PI4KA: variants seen among roughly 807,000 people sequenced by gnomAD.
The protein encoded by PI4KA is PI4-kinase alpha.
Under a neutral mutation model 271.4 loss-of-function variants are expected in PI4KA, and 122 were observed. That is an observed-to-expected ratio of 0.45 (90% CI 0.39 to 0.52). The LOEUF is 0.52. PI4KA is among the 20% of genes least tolerant of loss of function. The probability of loss-of-function intolerance (pLI) is 0.00; values close to 1 mark genes in which losing one functional copy is unlikely to be tolerated. For synonymous variants in PI4KA, 1,041 were observed against 1,078.8 expected (o/e 0.96, Z 0.69); for missense variants, 1,969 against 2,769.1 (o/e 0.71, Z 6.48).
chr22:20,740,061 CAA>C (rs59323542), intron 32 of PI4KA, among the ~76,000 whole-genome samples: 2,345 of 72,996 alleles, frequency 0.032, 15 homozygotes, highest in African/African-American at 0.083. Context: ...GACCCCATCT[CAA>C]AAAAAAAAAA....
At chr22:20,818,019 G>C (rs1922073111) in intron 7 of PI4KA, among the ~76,000 whole-genome samples, 1 of 152,000 alleles carries the variant, frequency 6.6e-6, no homozygotes, top group Admixed American at 6.6e-5. Context: ...CAGCTACTTG[G>C]GAGGCTGAGG....
rs1372580785 is a variant in PI4KA at position 20,803,339 on chromosome 22, C to G, written c.1462-19G>C. Reference sequence around the variant, plus strand: ...CCAAACCCTGCAACACACCATCAACCTGTCACATGGCCTGTGGTATGGGAC... The same window carrying G: ...CCAAACCCTGCAACACACCATCAACGTGTCACATGGCCTGTGGTATGGGAC... On this transcript the variant is annotated intron_variant, in intron 12 of 54. Coordinates refer to ENST00000255882, the MANE Select transcript of PI4KA (RefSeq NM_058004.4). The G allele has an allele frequency of 4.3e-6, 7 of 1,613,574 alleles. No homozygotes were observed. Among genetic ancestry groups the G allele is most frequent in the African/African-American group, 1.3e-5 (1 of 74,918 alleles).
intron 19 of PI4KA, among the ~76,000 whole-genome samples, chr22:20,770,532 A>AAAAG (rs1491322483): frequency 6.3e-5 from 6 of 94,882 alleles, no homozygotes; most frequent in Admixed American, 2.4e-4. Context: ...AAAAAAAAAA[A>AAAAG]GAGAGAGAGA....
At chr22:20,741,284 G>A (rs1336691975) in intron 32 of PI4KA, among the ~76,000 whole-genome samples, 1 of 152,154 alleles carries the variant, frequency 6.6e-6, no homozygotes, top group Non-Finnish European at 1.5e-5. Flanking sequence ...AGCTCACTAG[G>A]ATGCAGGTGC....
At chr22:20,741,707 A>G (rs2147283690) in intron 32 of PI4KA, among the ~76,000 whole-genome samples, 1 of 152,342 alleles carries the variant, frequency 6.6e-6, no homozygotes, top group East Asian at 1.9e-4. Context: ...GAAATACAGA[A>G]AGAAAACATG....
chr22:20,786,202 G>GC, intron 19 of PI4KA: 1 of 1,602,848 alleles, frequency 6.2e-7, no homozygotes, highest in Non-Finnish European at 8.5e-7. Flanking sequence ...CCTCAGCACA[G>GC]CCCCACCTCC....
chr22:20,769,111 C>T (rs1247068063), intron 19 of PI4KA, among the ~76,000 whole-genome samples: 1 of 152,208 alleles, frequency 6.6e-6, no homozygotes, highest in Non-Finnish European at 1.5e-5. Flanking sequence ...TTCTAGAATG[C>T]TTCCCTCTCA....
At chr22:20,827,837 C>T (rs931557300) in intron 3 of PI4KA, among the ~76,000 whole-genome samples, 1 of 152,134 alleles carries the variant, frequency 6.6e-6, no homozygotes, top group African/African-American at 2.4e-5. Flanking sequence ...CTCTGTCGCC[C>T]AGGCTGGAGG....
rs775973117 is a variant in PI4KA, at chr22:20,798,685, T to C, written c.2007A>G (p.Gln669=). 1 of 1,607,762 alleles carries C rather than the reference T, an allele frequency of 6.2e-7. No individual in the cohort carries two copies. Among genetic ancestry groups the C allele is most frequent in the Non-Finnish European group, 8.5e-7 (1 of 1,174,178 alleles). ...GGTTCCACACTTCCTGATAGATGTA[T>C]TGCTGGGAGAGAGCAAGATGCACTG... ...QLGCLVITGN[Q]YIYQEVWNLF... Residue 669 remains glutamine, a splice_region_variant and synonymous_variant, in exon 17 of 55, where the codon CAA becomes CAG. Coordinates refer to ENST00000255882, the MANE Select transcript of PI4KA (RefSeq NM_058004.4).
Position 20,802,083 on chromosome 22 carries a change from G to A in PI4KA, c.1614C>T (p.Ile538=). The change falls in exon 14 of 55, where the codon ATC becomes ATT. Residue 538 remains isoleucine, a synonymous_variant. Transcript: ENST00000255882. ...ACTCGGAATGCTCATTGGTCACACT[G>A]ATTTTTATATCATTGCCAGCAACTG... ...YHTVAGNDIK[I]SVTNEHSEST... 3 of 1,613,912 alleles carry A rather than the reference G, an allele frequency of 1.9e-6. No individual in the cohort carries two copies. Among genetic ancestry groups the A allele is most frequent in the Non-Finnish European group, 1.7e-6 (2 of 1,179,920 alleles).
At chr22:20,739,461 G>A (rs1286426870) in intron 32 of PI4KA, among the ~76,000 whole-genome samples, 2 of 147,760 alleles carry the variant, frequency 1.4e-5, no homozygotes, top group Admixed American at 6.8e-5. Context: ...TAGCAAGACT[G>A]TCTTCAGGAA....
chr22:20,837,956 T>C (rs557260011), intron 2 of PI4KA, among the ~76,000 whole-genome samples: 1 of 152,018 alleles, frequency 6.6e-6, no homozygotes, highest in South Asian at 2.1e-4. Context: ...CCGTCTCTAC[T>C]AAAAATACAA....
chr22:20,741,393 T>C (rs1929434726), intron 32 of PI4KA, among the ~76,000 whole-genome samples: 1 of 152,194 alleles, frequency 6.6e-6, no homozygotes, highest in African/African-American at 2.4e-5. Context: ...TGCATATCTT[T>C]GATGGGAGCA....
intron 1 of PI4KA, among the ~76,000 whole-genome samples, chr22:20,840,966 G>A (rs932607860): frequency 5.3e-5 from 8 of 152,276 alleles, no homozygotes; most frequent in Admixed American, 5.2e-4. Context: ...ACATTCCCAG[G>A]CAGTTCAGGC....
At position 20,797,978 on chromosome 22, in the gene PI4KA, G is replaced by T. The variant is rs538788739; in HGVS notation, c.2108+606C>A. Among the ~76,000 whole-genome samples the T allele has an allele frequency of 6.3e-4, 96 of 152,266 alleles. 1 individual carries two copies. Among genetic ancestry groups the T allele is most frequent in the African/African-American group, 2.1e-3 (88 of 41,552 alleles). On this transcript the variant is annotated intron_variant, in intron 17 of 54. Transcript: ENST00000255882. ...CTGTCCTCAAGGCATTCCTAGAGGA[G>T]GGTAAGGAATAGCCAAGAAGCATCT...
At chr22:20,785,442 C>A (rs1215989498) in intron 19 of PI4KA, among the ~76,000 whole-genome samples, 1 of 152,178 alleles carries the variant, frequency 6.6e-6, no homozygotes, top group East Asian at 1.9e-4. Context: ...AAGATCAAGC[C>A]TTCCTGCCCA....
chr22:20,776,413 T>C (rs909224232), intron 19 of PI4KA, among the ~76,000 whole-genome samples: 6 of 152,210 alleles, frequency 3.9e-5, no homozygotes, highest in Non-Finnish European at 2.9e-5. Flanking sequence ...GGTGCTGAGA[T>C]GGGGACCTGG....
At chr22:20,744,771 C>T (rs1370813604) in intron 29 of PI4KA, 51 bp from the exon 30 acceptor site, 5 of 1,445,798 alleles carry the variant, frequency 3.5e-6, no homozygotes, top group Non-Finnish European at 3.9e-6. Context: ...ATCCTTTCCT[C>T]GTGTTTACCA....
chr22:20,775,167 C>T (rs1933168755), intron 19 of PI4KA, among the ~76,000 whole-genome samples: 1 of 149,950 alleles, frequency 6.7e-6, no homozygotes, highest in East Asian at 2.0e-4. Context: ...TGGCAATTAG[C>T]AAGAAAGCAC....
Sources: gnomAD v4.1 joint callset for allele counts (sites outside exome capture counted in the v4.1 genomes callset) on GRCh38, gnomAD v4.1.1 for gene constraint, MANE v1.5 for transcripts, NCBI Gene and HGNC (gene_info 2026-07-23, HGNC 2026-07-21) for gene names.